Variants in C2orf42 observed in about 807,000 individuals in gnomAD.
C2orf42 encodes the protein uncharacterized protein C2orf42.
Under a neutral mutation model 58.9 loss-of-function variants are expected in C2orf42, and 44 were observed. The ratio of observed to expected loss-of-function variants is 0.75; its 90% CI spans 0.59 to 0.96. The LOEUF is 0.96. C2orf42 is among the 40% of genes least tolerant of loss of function. C2orf42 has a pLI of 0.00. For synonymous variants in C2orf42, 239 were observed against 265.4 expected (o/e 0.90, Z 0.97); for missense variants, 630 against 699.2 (o/e 0.90, Z 1.12).
At chr2:70,171,258 G>C (rs2104919548) in intron 5 of C2orf42, among the ~76,000 whole-genome samples, 1 of 152,284 alleles carries the variant, frequency 6.6e-6, no homozygotes, top group African/African-American at 2.4e-5. Context: ...GCTGGGTGTA[G>C]AGTGAGACCC....
At position 70,150,288 on chromosome 2, in the gene C2orf42, G is replaced by T; in HGVS notation, c.*68C>A. Reference sequence around the variant, plus strand: ...ACAGGGCCATCTAAGTGCCTAACTAGCATTTAAAGTTGTCAAGGGGTGGGG... The same window carrying T: ...ACAGGGCCATCTAAGTGCCTAACTATCATTTAAAGTTGTCAAGGGGTGGGG... On this transcript the variant is annotated 3_prime_UTR_variant, in exon 10 of 10. Transcript: ENST00000264434. 1 of 1,361,564 alleles carries T rather than the reference G, an allele frequency of 7.3e-7. No homozygotes were observed. Among genetic ancestry groups the T allele is most frequent in the Non-Finnish European group, 1.0e-6 (1 of 961,098 alleles). 84.3% of individuals were successfully genotyped at this position (1,361,564 alleles called of 1,614,324 possible).
chr2:70,151,802 A>G (rs1458145271), intron 9 of C2orf42, among the ~76,000 whole-genome samples: 1 of 151,842 alleles, frequency 6.6e-6, no homozygotes, highest in Non-Finnish European at 1.5e-5. Context: ...TTGTTTTTTG[A>G]GATGGAGTAT....
At chr2:70,188,120 G>T (rs934046618) in intron 1 of C2orf42, among the ~76,000 whole-genome samples, 1 of 152,048 alleles carries the variant, frequency 6.6e-6, no homozygotes, top group Non-Finnish European at 1.5e-5. Context: ...CTTAACATTG[G>T]TACAACACTA....
rs568972837 is a variant in C2orf42 at position 70,150,290 on chromosome 2, A to T, written c.*66T>A. 2 of 1,399,980 alleles carry T rather than the reference A, an allele frequency of 1.4e-6. No individual in the cohort carries two copies. Among genetic ancestry groups the T allele is most frequent in the South Asian group, 1.2e-5 (1 of 86,772 alleles). The allele number at this position is 1,399,980 out of a possible 1,614,324, so 86.7% of individuals were successfully genotyped here. A position where few individuals can be genotyped will look rare whatever the true frequency, so the allele number is the denominator to read the frequency against. ...AGGGCCATCTAAGTGCCTAACTAGC[A>T]TTTAAAGTTGTCAAGGGGTGGGGAT... is the stretch of plus-strand genomic sequence containing the variant. On this transcript the variant is annotated 3_prime_UTR_variant, in exon 10 of 10. Transcript: ENST00000264434.
intron 9 of C2orf42, among the ~76,000 whole-genome samples, chr2:70,157,477 AC>A (rs1353821965): frequency 1.4e-5 from 2 of 147,956 alleles, no homozygotes; most frequent in African/African-American, 2.5e-5. Context: ...AAACAAACAA[AC>A]AAAAAACCAC....
At chr2:70,162,038 G>C (rs1673083188) in intron 8 of C2orf42, among the ~76,000 whole-genome samples, 1 of 151,390 alleles carries the variant, frequency 6.6e-6, no homozygotes, top group Non-Finnish European at 1.5e-5. Context: ...TGGAGATGGA[G>C]TCTAGCTCTG....
intron 9 of C2orf42, among the ~76,000 whole-genome samples, chr2:70,154,432 A>T (rs1202468454): frequency 6.7e-6 from 1 of 150,130 alleles, no homozygotes; most frequent in Non-Finnish European, 1.5e-5. Context: ...AAAAAAAAAA[A>T]AAAAAAAAAA....
intron 8 of C2orf42, among the ~76,000 whole-genome samples, chr2:70,162,635 T>G (rs1275120350): frequency 6.6e-6 from 1 of 151,690 alleles, no homozygotes; most frequent in Admixed American, 6.6e-5. Context: ...AGAGTGAGAC[T>G]CTGTCTCAAA....
At chr2:70,163,828 C>G (rs1239889459) in intron 8 of C2orf42, among the ~76,000 whole-genome samples, 1 of 151,758 alleles carries the variant, frequency 6.6e-6, no homozygotes, top group Non-Finnish European at 1.5e-5. Context: ...GCAGCCTGGG[C>G]AACAGAGCAA....
intron 9 of C2orf42, among the ~76,000 whole-genome samples, chr2:70,157,922 C>T (rs753170273): frequency 3.3e-5 from 5 of 150,358 alleles, no homozygotes; most frequent in African/African-American, 4.9e-5. Context: ...AAATTAAGGC[C>T]GGGCTTGGTG....
chr2:70,176,982 A>G (rs991603320), intron 4 of C2orf42, among the ~76,000 whole-genome samples: 3 of 152,162 alleles, frequency 2.0e-5, no homozygotes, highest in Non-Finnish European at 4.4e-5. Flanking sequence ...AAGATTATTC[A>G]GAAGTGGGGC....
At position 70,165,544 on chromosome 2, in the gene C2orf42, G is replaced by A. The variant is rs770055461; in HGVS notation, c.1236C>T (p.Leu412=). 1 of 1,595,504 alleles carries A rather than the reference G, an allele frequency of 6.3e-7. No individual in the cohort carries two copies. Among genetic ancestry groups the A allele is most frequent in the Admixed American group, 1.7e-5 (1 of 59,932 alleles). Residue 412 remains leucine (L), a synonymous_variant, in exon 7 of 10, where the codon CTC becomes CTT. Transcript: ENST00000264434. ...ATCCTGTACCTGTGGTGGAGTTGGGGAGCCGTTTTTTTGCACTTCCTATAG... is the reference window on the plus strand; with the variant it reads ...ATCCTGTACCTGTGGTGGAGTTGGGAAGCCGTTTTTTTGCACTTCCTATAG... ...RISIGSAKKR[L]PNSTTAFVRK... is the part of the protein sequence containing the mutation.
chr2:70,175,947 A>G (rs1391387730), intron 4 of C2orf42, among the ~76,000 whole-genome samples, 170 bp from the exon 5 acceptor site: 1 of 152,160 alleles, frequency 6.6e-6, no homozygotes, highest in Non-Finnish European at 1.5e-5. Context: ...TAGCTTTCTT[A>G]TGCTCTTTAT....
intron 9 of C2orf42, among the ~76,000 whole-genome samples, chr2:70,157,820 G>A (rs1353854927): frequency 6.6e-6 from 1 of 152,074 alleles, no homozygotes; most frequent in African/African-American, 2.4e-5. Context: ...AACTATATAC[G>A]AGTTTATATT....
In C2orf42 at chr2:70,175,836, T is replaced by C. The variant is rs1002891548; in HGVS notation, c.935-59A>G. 1.3e-5 allele frequency: 14 copies of C among 1,079,948 alleles called. No homozygotes were observed. The East Asian group carries it at 2.8e-4, about 22-fold the overall frequency. 66.9% of individuals were successfully genotyped at this position (1,079,948 alleles called of 1,614,324 possible). ...ATCTGCTAAATATAAATTGATTTGA[T>C]GTTAATTTTTAGAGTCTAAAACATA... On this transcript the variant is annotated intron_variant, in intron 4 of 9. Transcript: ENST00000264434.
intron 2 of C2orf42, among the ~76,000 whole-genome samples, chr2:70,182,215 T>C (rs1674631283): frequency 6.6e-6 from 1 of 152,094 alleles, no homozygotes; most frequent in Non-Finnish European, 1.5e-5. Flanking sequence ...TTCTCCTGCC[T>C]CAGCCTCCCG....
chr2:70,158,192 C>T (rs1183619180), intron 9 of C2orf42, among the ~76,000 whole-genome samples: 3 of 144,928 alleles, frequency 2.1e-5, no homozygotes, highest in African/African-American at 7.7e-5. Flanking sequence ...GAGTGAGACT[C>T]GGTCTCAAAA....
chr2:70,181,057 G>A, intron 3 of C2orf42, 106 bp downstream of exon 3: 4 of 495,914 alleles, frequency 8.1e-6, no homozygotes, highest in South Asian at 3.3e-5. Context: ...GAATTATCTA[G>A]CAACTGTTTC....
chr2:70,167,566 C>T (rs558400608), intron 6 of C2orf42, among the ~76,000 whole-genome samples: 15 of 151,870 alleles, frequency 9.9e-5, no homozygotes, highest in African/African-American at 3.1e-4. Flanking sequence ...CATGGTGAAA[C>T]CCTGTCTCTA....
Sources: gnomAD v4.1 joint callset for allele counts (sites outside exome capture counted in the v4.1 genomes callset) on GRCh38, gnomAD v4.1.1 for gene constraint, MANE v1.5 for transcripts, NCBI Gene and HGNC (gene_info 2026-07-23, HGNC 2026-07-21) for gene names.